The following SGSM1 variants were observed in gnomAD, a reference collection of about 807,000 sequenced individuals.
SGSM1 encodes RUN and TBC1 domain containing 2.
In SGSM1, 73 loss-of-function variants were observed where a neutral mutation model predicts 133.8. That is an observed-to-expected ratio of 0.55 (90% CI 0.45 to 0.66). The LOEUF is 0.66. Ranked by LOEUF, SGSM1 falls within the 30% of genes least tolerant of loss-of-function variation. The probability of loss-of-function intolerance (pLI) is 0.00; values close to 1 mark genes in which losing one functional copy is unlikely to be tolerated. For missense variants in SGSM1, 1,213 were observed against 1,448.1 expected, an observed-to-expected ratio of 0.84 and a Z score of 2.64; for synonymous variants, 563 against 573.0, an observed-to-expected ratio of 0.98 and a Z score of 0.25.
intron 23 of SGSM1, among the ~76,000 whole-genome samples, chr22:24,919,010 G>T (rs1933914780): frequency 6.7e-6 from 1 of 149,810 alleles, no homozygotes; most frequent in Admixed American, 6.7e-5. Flanking sequence ...CAAAGTGTTG[G>T]GATTACAGGT....
chr22:24,832,122 A>G (rs713651), intron 2 of SGSM1, among the ~76,000 whole-genome samples: 28,747 of 152,078 alleles, frequency 0.19, 2,890 homozygotes, highest in Non-Finnish European at 0.23. Context: ...AGATTTGATG[A>G]GTTAGTTCAT....
At chr22:24,873,726 G>C (rs1259745914) in intron 12 of SGSM1, among the ~76,000 whole-genome samples, 1 of 152,160 alleles carries the variant, frequency 6.6e-6, no homozygotes, top group Non-Finnish European at 1.5e-5. Flanking sequence ...GCTGGCACGT[G>C]CGTGTAGTCC....
intron 10 of SGSM1, among the ~76,000 whole-genome samples, chr22:24,867,971 A>G (rs1325450157): frequency 6.6e-6 from 1 of 152,196 alleles, no homozygotes; most frequent in East Asian, 1.9e-4. Flanking sequence ...GCTTGTATTC[A>G]GTAAGTGCTC....
At position 24,917,701 on chromosome 22, in the gene SGSM1, AC is replaced by A; in HGVS notation, c.2973del (p.Tyr992IlefsTer85). ...ELFELMHQNG[D>X]YTHFYFCYRW... ...TTTGAGCTGATGCATCAGAACGGGG[AC>A]TATACTCACTTCTACTTCTGCTACC... On this transcript the variant is annotated frameshift_variant, in exon 23 of 25. Transcript: ENST00000400358. LOFTEE classifies it high-confidence loss of function. 1 of 1,613,910 alleles carries A rather than the reference AC, an allele frequency of 6.2e-7. No homozygotes were observed. The highest frequency in any genetic ancestry group is 1.1e-5 in the South Asian group (1 of 91,000).
intron 15 of SGSM1, among the ~76,000 whole-genome samples, chr22:24,884,666 C>G (rs1436828631): frequency 6.6e-6 from 1 of 152,172 alleles, no homozygotes; most frequent in South Asian, 2.1e-4. Flanking sequence ...CTTTTAATAT[C>G]GGAATGTGAA....
intron 8 of SGSM1, among the ~76,000 whole-genome samples, chr22:24,856,301 G>A (rs964839464): frequency 2.0e-5 from 3 of 152,108 alleles, no homozygotes. Context: ...ACCTCCCAAC[G>A]ACCCTTTGAG....
At chr22:24,903,563 C>T (rs913582766) in intron 20 of SGSM1, among the ~76,000 whole-genome samples, 2 of 151,992 alleles carry the variant, frequency 1.3e-5, no homozygotes, top group African/African-American at 2.4e-5. Flanking sequence ...ATAAGTGTTA[C>T]ATTAAAATGA....
intron 3 of SGSM1, among the ~76,000 whole-genome samples, chr22:24,845,967 T>TTCTCTCTTTCTC (rs904817045): frequency 2.8e-5 from 4 of 144,628 alleles, no homozygotes; most frequent in African/African-American, 7.7e-5. Flanking sequence ...CTTTCTTTCT[T>TTCTCTCTTTCTC]TCTTTCTTTC....
chr22:24,823,850 C>T (rs1474468390), intron 2 of SGSM1, among the ~76,000 whole-genome samples: 3 of 151,968 alleles, frequency 2.0e-5, no homozygotes, highest in Non-Finnish European at 4.4e-5. Flanking sequence ...TTCGAGGCTG[C>T]CGTGAGCCAT....
intron 12 of SGSM1, chr22:24,874,293 G>A: frequency 1.0e-6 from 1 of 952,736 alleles, no homozygotes; most frequent in Non-Finnish European, 1.5e-6. Flanking sequence ...GAATGTGGGA[G>A]CTGTGTGGAG....
At chr22:24,830,256 T>C (rs1366454713) in intron 2 of SGSM1, among the ~76,000 whole-genome samples, 3 of 152,158 alleles carry the variant, frequency 2.0e-5, no homozygotes, top group East Asian at 3.9e-4. Context: ...AGTAGCTGGG[T>C]AGCAAAGGTG....
At position 24,924,464 on chromosome 22, in the gene SGSM1, A is replaced by G. The variant is rs9624666; in HGVS notation, c.*190A>G. The G allele has an allele frequency of 7.9e-3, 4,555 of 576,528 alleles. 149 individuals are homozygous for G. Among genetic ancestry groups the G allele is most frequent in the African/African-American group, 0.075 (4,038 of 53,516 alleles). The allele number at this position is 576,528 out of a possible 1,614,324, so 35.7% of individuals were successfully genotyped here. A position where few individuals can be genotyped will look rare whatever the true frequency, so the allele number is the denominator to read the frequency against. ...GATGGGGTGGAGGGAGTACCCCTTC[A>G]ATTCAGCCTTACATTTTCCTGTTTG... On this transcript the variant is annotated 3_prime_UTR_variant, in exon 25 of 25. Transcript: ENST00000400358.
At chr22:24,888,346 G>C (rs1932727404) in intron 16 of SGSM1, among the ~76,000 whole-genome samples, 2 of 151,264 alleles carry the variant, frequency 1.3e-5, no homozygotes, top group Non-Finnish European at 3.0e-5. Flanking sequence ...AATCTTTTGA[G>C]TTTTTTTTTC....
chr22:24,825,489 G>A (rs1443728113), intron 2 of SGSM1, among the ~76,000 whole-genome samples: 4 of 152,130 alleles, frequency 2.6e-5, no homozygotes, highest in Non-Finnish European at 5.9e-5. Flanking sequence ...AAGTGCAGTG[G>A]CATGATCTCG....
intron 22 of SGSM1, among the ~76,000 whole-genome samples, chr22:24,915,137 G>C (rs748182610): frequency 6.6e-6 from 1 of 152,222 alleles, no homozygotes; most frequent in Non-Finnish European, 1.5e-5. Flanking sequence ...GCTGAGATAG[G>C]AGAATGGTGT....
chr22:24,911,924 G>A (rs150181722), intron 21 of SGSM1, among the ~76,000 whole-genome samples: 172 of 152,004 alleles, frequency 1.1e-3, no homozygotes, highest in Admixed American at 2.2e-3. Context: ...GCTTGGTGGC[G>A]GGCGCCTGTA....
chr22:24,914,775 C>A (rs952163011), intron 22 of SGSM1, among the ~76,000 whole-genome samples: 128 of 152,188 alleles, frequency 8.4e-4, no homozygotes, highest in African/African-American at 2.9e-3. Flanking sequence ...GCAGTTGATT[C>A]CTCTTTCCCG....
chr22:24,874,432 G>C, intron 12 of SGSM1: 1 of 1,611,096 alleles, frequency 6.2e-7, no homozygotes, highest in Non-Finnish European at 8.5e-7. Flanking sequence ...CGACTTCTTG[G>C]GCAGCACTTC....
chr22:24,833,582 C>T (rs531210197), intron 2 of SGSM1, among the ~76,000 whole-genome samples: 4 of 151,844 alleles, frequency 2.6e-5, no homozygotes, highest in East Asian at 3.9e-4. Context: ...CAGTTGAACC[C>T]GGGAGGTGGA....
Sources: allele counts gnomAD v4.1 joint callset (sites outside exome capture counted in the v4.1 genomes callset), GRCh38; gene constraint gnomAD v4.1.1; transcripts MANE v1.5; gene names NCBI Gene and HGNC (gene_info 2026-07-23, HGNC 2026-07-21).